CNRIP1: variants seen among roughly 807,000 people sequenced by gnomAD.
CNRIP1 encodes CB1 cannabinoid receptor-interacting protein 1.
In CNRIP1, 10 loss-of-function variants were observed where a neutral mutation model predicts 15.2. The observed-to-expected ratio is 0.66, with a 90% CI of 0.41 to 1.12. CNRIP1 has a LOEUF of 1.12. CNRIP1 is among the 50% of genes most tolerant of loss of function. The pLI, the probability that CNRIP1 is intolerant of heterozygous loss-of-function variation, is 0.00. For missense variants in CNRIP1, 211 were observed against 214.7 expected, an observed-to-expected ratio of 0.98 and a Z score of 0.11; for synonymous variants, 91 against 83.2, an observed-to-expected ratio of 1.09 and a Z score of -0.51.
intron 2 of CNRIP1, among the ~76,000 whole-genome samples, chr2:68,299,111 C>A (rs893647561): frequency 1.3e-5 from 2 of 152,122 alleles, no homozygotes; most frequent in African/African-American, 4.8e-5. Context: ...ATGATTTGCC[C>A]TCAGTCTAGA....
intron 2 of CNRIP1, among the ~76,000 whole-genome samples, chr2:68,305,174 G>A (rs6730356): frequency 0.22 from 32,819 of 149,710 alleles, 3,899 homozygotes; most frequent in Non-Finnish European, 0.25. Context: ...AACCCGGGAG[G>A]CAGAGGTTGC....
chr2:68,291,376 A>C (rs1671164478), downstream of CNRIP1, among the ~76,000 whole-genome samples: 1 of 152,034 alleles, frequency 6.6e-6, no homozygotes. Context: ...CTAACCCTTC[A>C]TTTTAGAGAT....
chr2:68,286,214 A>G (rs1671027124), intron 2 of CNRIP1, among the ~76,000 whole-genome samples: 1 of 152,150 alleles, frequency 6.6e-6, no homozygotes, highest in Admixed American at 6.6e-5. Context: ...CAAAATCATT[A>G]GCTTGTAGCC....
rs1333145635 is a variant in CNRIP1 at position 68,293,146 on chromosome 2, G to A, written c.*716C>T. ...GAAGACTATGGAAGCTTGTCAAAGG[G>A]GTAACCCTACAACTCCTGTCACTTT... On this transcript the variant is annotated 3_prime_UTR_variant, in exon 3 of 3. Transcript: ENST00000263655. 1.0e-6 allele frequency: 1 copy of A among 985,298 alleles called. No homozygotes were observed. Among genetic ancestry groups the A allele is most frequent in the Non-Finnish European group, 1.2e-6 (1 of 829,958 alleles). The allele number at this position is 985,298 out of a possible 1,614,324, so 61.0% of individuals were successfully genotyped here. A position where few individuals can be genotyped will look rare whatever the true frequency, so the allele number is the denominator to read the frequency against.
chr2:68,284,905 T>C (rs558174780), intron 2 of CNRIP1, among the ~76,000 whole-genome samples: 238 of 152,280 alleles, frequency 1.6e-3, no homozygotes, highest in Admixed American at 5.3e-3. Context: ...GGCTAGATTG[T>C]TTCTTTGTAA....
At chr2:68,284,390 C>T (rs948629262) in exon 3 of CNRIP1, 2 of 1,307,010 alleles carry the variant, frequency 1.5e-6, no homozygotes, top group Non-Finnish European at 1.0e-6. Context: ...AAAAAAAGAA[C>T]ATTTGTTCCT....
intron 2 of CNRIP1, among the ~76,000 whole-genome samples, chr2:68,308,005 C>A (rs924729846): frequency 1.3e-5 from 2 of 151,976 alleles, no homozygotes; most frequent in African/African-American, 4.8e-5. Context: ...TGAGCCTGGG[C>A]AACATAGTGA....
chr2:68,315,447 A>G (rs1251282865), intron 2 of CNRIP1, among the ~76,000 whole-genome samples: 1 of 152,196 alleles, frequency 6.6e-6, no homozygotes. Flanking sequence ...TCTAGAAATC[A>G]AGAAAACATT....
rs192040639 is a variant in CNRIP1, at chr2:68,285,466, C to A, written c.331-982G>T. The stretch of plus-strand genomic sequence containing the variant: ...TGATCAGAAGGCAGAATATTCGTGA[C>A]CAGCCTGGGCAACATGGTGAAACCC... On this transcript the variant is annotated intron_variant, in intron 2 of 2. Coordinates refer to the CNRIP1 transcript ENST00000409559. 4.6e-5 allele frequency among the ~76,000 whole-genome samples: 7 copies of A among 152,028 alleles called. No homozygotes were observed. In the East Asian group the frequency reaches 1.2e-3, roughly 25 times the overall value.
Position 68,285,609 on chromosome 2 carries a change from G to A in CNRIP1, c.331-1125C>T, listed in dbSNP as rs552435392. 5.0e-5 allele frequency among the ~76,000 whole-genome samples: 7 copies of A among 141,348 alleles called. No individual in the cohort carries two copies. The South Asian group carries it at 6.6e-4, about 13-fold the overall frequency. The allele number at this position is 141,348 out of a possible 152,430, so 92.7% of individuals were successfully genotyped here. On this transcript the variant is annotated intron_variant, in intron 2 of 2. Transcript: ENST00000409559. ...GTTGAGGCTGCAGTGAGCCAACATC[G>A]CACCACTGCACTCCAGCATGGGCTG...
downstream of CNRIP1, among the ~76,000 whole-genome samples, chr2:68,288,640 G>T (rs181141606): frequency 1.7e-3 from 263 of 152,298 alleles, no homozygotes; most frequent in African/African-American, 6.2e-3. Flanking sequence ...CAAGTAATTT[G>T]CTATAAAGAG....
At chr2:68,295,900 TC>T (rs1350154712) in intron 2 of CNRIP1, among the ~76,000 whole-genome samples, 2 of 152,176 alleles carry the variant, frequency 1.3e-5, no homozygotes, top group African/African-American at 4.8e-5. Context: ...AAACTATACC[TC>T]AAAGTTAAGA....
chr2:68,295,127 G>A (rs1671301159), intron 2 of CNRIP1, among the ~76,000 whole-genome samples: 1 of 152,176 alleles, frequency 6.6e-6, no homozygotes, highest in Non-Finnish European at 1.5e-5. Flanking sequence ...GGAGGGGACA[G>A]GGACTGACTT....
At chr2:68,285,066 C>G (rs1670995296) in intron 2 of CNRIP1, among the ~76,000 whole-genome samples, 1 of 152,184 alleles carries the variant, frequency 6.6e-6, no homozygotes, top group African/African-American at 2.4e-5. Flanking sequence ...CCTGTCTTCC[C>G]TTGTTCCCTG....
chr2:68,310,675 C>T (rs753207519), intron 2 of CNRIP1, among the ~76,000 whole-genome samples: 19 of 147,430 alleles, frequency 1.3e-4, no homozygotes, highest in Admixed American at 4.8e-4. Context: ...CCAAAAATTA[C>T]GAGACATGTA....
intron 2 of CNRIP1, among the ~76,000 whole-genome samples, chr2:68,314,501 A>T (rs1307982819): frequency 6.6e-6 from 1 of 152,042 alleles, no homozygotes; most frequent in African/African-American, 2.4e-5. Flanking sequence ...AGCAGTCAAC[A>T]TTATTCTAGA....
intron 2 of CNRIP1, 102 bp from the exon 3 acceptor site, chr2:68,294,128 C>A: frequency 8.0e-7 from 1 of 1,245,872 alleles, no homozygotes. Flanking sequence ...CAAGCAGACC[C>A]AGTCCAGATT....
At position 68,319,501 on chromosome 2, in the gene CNRIP1, G is replaced by T; in HGVS notation, c.-101C>A. Reference sequence around the variant, plus strand: ...GAGGGGCGGAGAGGAAGCGCGGGGAGGGTGAGGGAGGTGGTGGAGCTGAGG... The same window carrying T: ...GAGGGGCGGAGAGGAAGCGCGGGGATGGTGAGGGAGGTGGTGGAGCTGAGG... On this transcript the variant is annotated 5_prime_UTR_variant, in exon 1 of 3. Transcript: ENST00000263655. 1 of 1,239,508 alleles carries T rather than the reference G, an allele frequency of 8.1e-7. No homozygotes were observed. Among genetic ancestry groups the T allele is most frequent in the Non-Finnish European group, 1.1e-6 (1 of 932,428 alleles). The allele number at this position is 1,239,508 out of a possible 1,614,324, so 76.8% of individuals were successfully genotyped here. A position where few individuals can be genotyped will look rare whatever the true frequency, so the allele number is the denominator to read the frequency against.
At chr2:68,288,017 G>A (rs988703129), downstream of CNRIP1, among the ~76,000 whole-genome samples, 10 of 151,960 alleles carry the variant, frequency 6.6e-5, no homozygotes, top group African/African-American at 1.7e-4. Context: ...AACTAACCCC[G>A]TAAAGGCTAA....
Sources: gnomAD v4.1 joint callset for allele counts (sites outside exome capture counted in the v4.1 genomes callset) on GRCh38, gnomAD v4.1.1 for gene constraint, MANE v1.5 for transcripts, NCBI Gene and HGNC (gene_info 2026-07-23, HGNC 2026-07-21) for gene names.